NKD1: variants seen among roughly 807,000 people sequenced by gnomAD.
NKD1 encodes protein naked cuticle homolog 1.
Under a neutral mutation model 56.0 loss-of-function variants are expected in NKD1, and 21 were observed. The observed-to-expected ratio is 0.38, with a 90% CI of 0.27 to 0.54. The LOEUF (loss-of-function observed/expected upper bound fraction) is 0.54. Ranked by LOEUF, NKD1 falls within the 20% of genes least tolerant of loss-of-function variation. The pLI, the probability that NKD1 is intolerant of heterozygous loss-of-function variation, is 0.82. For missense variants in NKD1, 578 were observed against 642.7 expected (o/e 0.90, Z 1.09); for synonymous variants, 263 against 265.7 (o/e 0.99, Z 0.10).
Position 50,645,738 on chromosome 16 carries a change from C to T in NKD1, c.*11957C>T, listed in dbSNP as rs1471869105. The T allele has an allele frequency of 4.6e-5, 7 of 152,152 alleles. No individual in the cohort carries two copies. Among genetic ancestry groups the T allele is most frequent in the African/African-American group, 1.2e-4 (5 of 41,420 alleles). 9.4% of individuals were successfully genotyped at this position (152,152 alleles called of 1,614,324 possible). ...TTACCCATGAAAGCGCTCAAGGATC[C>T]GCTTGCTTGCTTACATGTGGGATCA... On this transcript the variant is annotated 3_prime_UTR_variant, in exon 10 of 10. Coordinates refer to ENST00000268459, the MANE Select transcript of NKD1 (RefSeq NM_033119.5).
intron 4 of NKD1, among the ~76,000 whole-genome samples, chr16:50,620,735 G>A (rs971556171): frequency 6.6e-6 from 1 of 152,188 alleles, no homozygotes; most frequent in Non-Finnish European, 1.5e-5. Flanking sequence ...GCACTTTGTA[G>A]TCGGGATCCT....
chr16:50,562,917 C>T (rs989125146), intron 3 of NKD1, among the ~76,000 whole-genome samples: 1 of 149,048 alleles, frequency 6.7e-6, no homozygotes, highest in Non-Finnish European at 1.5e-5. Context: ...AACTTGCAAG[C>T]GGATTTAGAG....
intron 3 of NKD1, among the ~76,000 whole-genome samples, chr16:50,596,645 A>G (rs895608143): frequency 6.6e-6 from 1 of 152,268 alleles, no homozygotes; most frequent in Non-Finnish European, 1.5e-5. Context: ...CTGAGTCAGT[A>G]AATACAGAGC....
intron 3 of NKD1, among the ~76,000 whole-genome samples, chr16:50,560,962 G>A (rs748127853): frequency 3.3e-5 from 5 of 152,094 alleles, no homozygotes; most frequent in Non-Finnish European, 7.4e-5. Flanking sequence ...CCCTGAGCCT[G>A]AATGCCTGGT....
intron 3 of NKD1, chr16:50,606,686 A>G (rs1161110428): frequency 2.3e-6 from 1 of 432,464 alleles, no homozygotes. Context: ...CAGACGTCTC[A>G]TTGATGCTGT....
Position 50,598,084 on chromosome 16 carries a change from T to A in NKD1, c.193-10210T>A, listed in dbSNP as rs1250875215. On this transcript the variant is annotated intron_variant, in intron 3 of 9. Transcript: ENST00000268459. This position sits in a 1 kb window ranked among gnomAD's most constrained non-coding sequence, Gnocchi z 4.2. ...CCTGTGAGAGGGATGGTGACAAGTT[T>A]CTTAGAGCTATTTTGGGGACAAGGG... Among the ~76,000 whole-genome samples the A allele has an allele frequency of 1.3e-5, 2 of 151,966 alleles. No homozygotes were observed. Among genetic ancestry groups the A allele is most frequent in the African/African-American group, 4.8e-5 (2 of 41,350 alleles).
intron 4 of NKD1, among the ~76,000 whole-genome samples, chr16:50,616,876 A>G (rs1758175804): frequency 6.6e-6 from 1 of 152,246 alleles, no homozygotes; most frequent in Non-Finnish European, 1.5e-5. Context: ...GGTATTGGTC[A>G]TATGAGTGGC....
At chr16:50,560,634 T>G (rs1287280079) in intron 3 of NKD1, among the ~76,000 whole-genome samples, 3 of 151,992 alleles carry the variant, frequency 2.0e-5, no homozygotes, top group East Asian at 1.9e-4. Flanking sequence ...GGCGAGTTTT[T>G]TTTTTTTTTT....
intron 4 of NKD1, 66 bp downstream of exon 4, chr16:50,608,426 G>A (rs549830999): frequency 1.4e-4 from 154 of 1,121,772 alleles, no homozygotes; most frequent in Non-Finnish European, 2.0e-4. Flanking sequence ...TCAGCTGGCC[G>A]TGTGCCCTGT....
intron 6 of NKD1, among the ~76,000 whole-genome samples, chr16:50,626,847 G>A (rs952048536): frequency 5.3e-5 from 8 of 152,126 alleles, no homozygotes; most frequent in Non-Finnish European, 5.9e-5. Flanking sequence ...AGGTTAGCAC[G>A]TCTGGGCTCC....
rs752802049 is a variant in NKD1 at position 50,648,452 on chromosome 16, A to G, written c.*14671A>G. 6.6e-6 allele frequency: 1 copy of G among 152,522 alleles called. No individual in the cohort carries two copies. Among genetic ancestry groups the G allele is most frequent in the Non-Finnish European group, 1.5e-5 (1 of 68,036 alleles). 9.4% of individuals were successfully genotyped at this position (152,522 alleles called of 1,614,324 possible). A position where few individuals can be genotyped will look rare whatever the true frequency, so the allele number is the denominator to read the frequency against. ...TTCTGGGGTCAGATGGATAATTGCC[A>G]TCATCCTCACCAAGTTGCCACTGGA... is the stretch of plus-strand genomic sequence containing the variant. On this transcript the variant is annotated 3_prime_UTR_variant, in exon 10 of 10. Coordinates refer to ENST00000268459, the MANE Select transcript of NKD1 (RefSeq NM_033119.5).
chr16:50,591,766 G>A (rs1344176326), intron 3 of NKD1, among the ~76,000 whole-genome samples: 1 of 152,240 alleles, frequency 6.6e-6, no homozygotes, highest in Non-Finnish European at 1.5e-5. Flanking sequence ...GCCAGGAAGG[G>A]GCCCTGTGAA....
intron 3 of NKD1, among the ~76,000 whole-genome samples, chr16:50,597,274 T>A (rs1345144290): frequency 6.6e-6 from 1 of 151,932 alleles, no homozygotes; most frequent in Non-Finnish European, 1.5e-5. Flanking sequence ...GGAGCTGCCC[T>A]GTGTACACAG....
At chr16:50,616,457 C>T (rs1334061354) in intron 4 of NKD1, among the ~76,000 whole-genome samples, 2 of 152,218 alleles carry the variant, frequency 1.3e-5, no homozygotes, top group African/African-American at 4.8e-5. Context: ...CCCCACCTCC[C>T]CATGGCACTT....
chr16:50,631,162 G>A (rs1435885905), intron 8 of NKD1, among the ~76,000 whole-genome samples: 1 of 152,210 alleles, frequency 6.6e-6, no homozygotes, highest in African/African-American at 2.4e-5. Context: ...GGTGCTCTCA[G>A]CAGTGCATCA....
chr16:50,608,268 A>G, intron 3 of NKD1, 26 bp from the exon 4 acceptor site: 6 of 1,575,850 alleles, frequency 3.8e-6, no homozygotes, highest in East Asian at 2.2e-5. Flanking sequence ...ACCCCTGCTC[A>G]ATGCCTCTGC....
rs1371719382 is a variant in NKD1 at position 50,632,475 on chromosome 16, C to T, written c.823+67C>T. On this transcript the variant is annotated intron_variant, in intron 9 of 9. Transcript: ENST00000268459. This position sits in a 1 kb window ranked among gnomAD's most constrained non-coding sequence, Gnocchi z 4.1. ...GCGTGGCTGGACGGGCCAGGCGGGC[C>T]GTGCGGGTGGTGTTCACTGCTACCC... 13 of 1,565,892 alleles carry T rather than the reference C, an allele frequency of 8.3e-6. No individual in the cohort carries two copies. Among genetic ancestry groups the T allele is most frequent in the South Asian group, 3.4e-5 (3 of 88,514 alleles).
At chr16:50,556,326 G>A (rs1960503342) in intron 3 of NKD1, 1 of 152,274 alleles carries the variant, frequency 6.6e-6, no homozygotes, top group African/African-American at 2.4e-5. Context: ...GTAATTCTTT[G>A]ATAGCTTCCT....
intron 5 of NKD1, 29 bp downstream of exon 5, chr16:50,621,737 AG>A: frequency 6.4e-7 from 1 of 1,551,840 alleles, no homozygotes; most frequent in Non-Finnish European, 8.9e-7. Flanking sequence ...CTGGGTCCTG[AG>A]GAGATGAGAT....
Sources: gnomAD v4.1 joint callset for allele counts (sites outside exome capture counted in the v4.1 genomes callset) on GRCh38, gnomAD v4.1.1 for gene constraint, Gnocchi (gnomAD v3.1) non-coding constraint, MANE v1.5 for transcripts, NCBI Gene and HGNC (gene_info 2026-07-23, HGNC 2026-07-21) for gene names.